CLPX: variants seen among roughly 807,000 people sequenced by gnomAD.
The protein encoded by CLPX is caseinolytic mitochondrial matrix peptidase chaperone subunit X, also known as ATP-dependent clpX-like chaperone, mitochondrial.
A neutral mutation model predicts 76.4 loss-of-function variants in CLPX; 34 were observed. The ratio of observed to expected loss-of-function variants is 0.45; its 90% confidence interval spans 0.34 to 0.59. The LOEUF is 0.59. Among genes scored for constraint, CLPX ranks in the 20% least tolerant of loss-of-function variants. The probability of loss-of-function intolerance (pLI) is 0.01; values close to 1 mark genes in which losing one functional copy is unlikely to be tolerated. For missense variants in CLPX, 613 were observed against 757.0 expected, an observed-to-expected ratio of 0.81 and a Z score of 2.23; for synonymous variants, 248 against 270.9, an observed-to-expected ratio of 0.92 and a Z score of 0.83.
intron 1 of CLPX, among the ~76,000 whole-genome samples, chr15:65,181,529 G>T (rs374469143): frequency 1.3e-5 from 2 of 151,768 alleles, no homozygotes; most frequent in African/African-American, 4.8e-5. Context: ...GAGGTGGGTG[G>T]ATCACTTGAG....
Position 65,152,460 on chromosome 15 carries a change from A to G in CLPX, c.1781T>C (p.Val594Ala), listed in dbSNP as rs960414586. The change falls in exon 13 of 14, where the codon GTA becomes GCA. Residue 594 changes from valine (V) to alanine (A), a missense_variant. Coordinates refer to ENST00000300107, the MANE Select transcript of CLPX (RefSeq NM_006660.5). The part of the protein sequence containing the change: ...IVCVEVDKEV[V>A]EGKKEPGYIR... ...GTATCCTGGTTCCTTTTTTCCTTCT[A>G]CTACTTCTTTGTCAACCTCCACACA... 1.3e-6 allele frequency: 2 copies of G among 1,557,370 alleles called. No homozygotes were observed. Among genetic ancestry groups the G allele is most frequent in the Admixed American group, 3.8e-5 (2 of 52,710 alleles).
chr15:65,161,267 G>T (rs1381642928), intron 6 of CLPX, among the ~76,000 whole-genome samples: 1 of 152,066 alleles, frequency 6.6e-6, no homozygotes, highest in Non-Finnish European at 1.5e-5. Context: ...AAAGCCAATT[G>T]TGTCAGTCCT....
intron 8 of CLPX, among the ~76,000 whole-genome samples, chr15:65,157,376 T>A (rs1020475542): frequency 1.3e-5 from 2 of 152,212 alleles, no homozygotes; most frequent in Non-Finnish European, 2.9e-5. Flanking sequence ...CATGACATCC[T>A]GTAGGTCAAC....
chr15:65,179,069 GA>G lies in CLPX; in HGVS notation c.241-19del. ...GCTGATTTCTAACGTTTATGAAGGAGAAAAAAGGAAGAGTGTCAATTATTAG... is the reference window on the plus strand; with the variant it reads ...GCTGATTTCTAACGTTTATGAAGGAGAAAAAGGAAGAGTGTCAATTATTAG... On this transcript the variant is annotated intron_variant, in intron 2 of 13. Coordinates refer to ENST00000300107, the MANE Select transcript of CLPX (RefSeq NM_006660.5). The G allele has an allele frequency of 6.8e-7, 1 of 1,477,474 alleles. No individual in the cohort carries two copies. The allele number at this position is 1,477,474 out of a possible 1,614,324, so 91.5% of individuals were successfully genotyped here.
In CLPX at chr15:65,179,017, CCTGATTTCTTACTACTTCCCTCACTTG is replaced by C. The variant is rs1566986909; in HGVS notation, c.248_274del (p.Ala83_Ser91del). ...TCCACCTTTCCCAGAATTCCCAGAG[CCTGATTTCTTACTACTTCCCTCACTTG>C]CTGATTTCTAACGTTTATGAAGGAG... On this transcript the variant is annotated inframe_deletion, in exon 3 of 14. Coordinates refer to ENST00000300107, the MANE Select transcript of CLPX (RefSeq NM_006660.5). The C allele has an allele frequency of 6.2e-7, 1 of 1,611,780 alleles. No homozygotes were observed. The highest frequency in any genetic ancestry group is 1.7e-5 in the Admixed American group (1 of 59,968).
intron 1 of CLPX, among the ~76,000 whole-genome samples, chr15:65,181,237 A>G (rs2140652591): frequency 6.6e-6 from 1 of 151,918 alleles, no homozygotes; most frequent in South Asian, 2.1e-4. Context: ...GTGTTATTCC[A>G]CTTACACGTG....
At position 65,178,501 on chromosome 15, in the gene CLPX, C is replaced by G. The variant is rs557415493; in HGVS notation, c.358+433G>C. The stretch of plus-strand genomic sequence containing the variant: ...ATTTACATATAATTTATATAACATA[C>G]AAAGTCACATACATTTATCTATTTC... On this transcript the variant is annotated intron_variant, in intron 3 of 13. Coordinates refer to ENST00000300107, the MANE Select transcript of CLPX (RefSeq NM_006660.5). 2.6e-5 allele frequency among the ~76,000 whole-genome samples: 4 copies of G among 152,188 alleles called. No individual in the cohort carries two copies. In the South Asian group the frequency reaches 8.3e-4, roughly 32 times the overall value.
At chr15:65,159,740 T>C (rs2087829389) in intron 6 of CLPX, among the ~76,000 whole-genome samples, 1 of 152,210 alleles carries the variant, frequency 6.6e-6, no homozygotes, top group South Asian at 2.1e-4. Context: ...TTCTTGGTTC[T>C]TAGCATTTGA....
At chr15:65,162,734 T>C in intron 5 of CLPX, 89 bp from the exon 6 acceptor site, 1 of 704,690 alleles carries the variant, frequency 1.4e-6, no homozygotes, top group African/African-American at 1.8e-5. Context: ...TTCAAATATA[T>C]TTAAAGGATT....
intron 1 of CLPX, among the ~76,000 whole-genome samples, chr15:65,182,974 C>T (rs962195368): frequency 1.3e-5 from 2 of 149,850 alleles, no homozygotes; most frequent in East Asian, 2.0e-4. Context: ...TCCAGCCTGA[C>T]GAACATGGCA....
At chr15:65,163,177 G>A (rs900029258) in intron 5 of CLPX, among the ~76,000 whole-genome samples, 4 of 151,882 alleles carry the variant, frequency 2.6e-5, no homozygotes, top group Non-Finnish European at 5.9e-5. Context: ...GCAGTGAGTC[G>A]CAATCCAGCC....
intron 3 of CLPX, among the ~76,000 whole-genome samples, chr15:65,167,361 C>T (rs1244114257): frequency 6.6e-6 from 1 of 152,092 alleles, no homozygotes; most frequent in Non-Finnish European, 1.5e-5. Context: ...TGAGCCACCG[C>T]ACCCGGCCCA....
Position 65,158,724 on chromosome 15 carries a change from G to T in CLPX, c.743C>A (p.Pro248Gln). The change falls in exon 7 of 14, where the codon CCA becomes CAA. Residue 248 changes from proline (P) to glutamine (Q), a missense_variant. Coordinates refer to ENST00000300107, the MANE Select transcript of CLPX (RefSeq NM_006660.5). ...TGATGCTCCTAAAGCATTACCATGTGGGCTAATTCCAGCAATCTGAAGCAA... is the reference window on the plus strand; with the variant it reads ...TGATGCTCCTAAAGCATTACCATGTTGGCTAATTCCAGCAATCTGAAGCAA... Reference protein sequence around the residue: ...TKLLQIAGISPHGNALGASMQ... With the variant: ...TKLLQIAGISQHGNALGASMQ... 1 of 1,595,834 alleles carries T rather than the reference G, an allele frequency of 6.3e-7. No individual in the cohort carries two copies. The highest frequency in any genetic ancestry group is 1.2e-5 in the South Asian group (1 of 86,212).
At chr15:65,179,394 G>A (rs1424551124) in intron 2 of CLPX, among the ~76,000 whole-genome samples, 2 of 152,114 alleles carry the variant, frequency 1.3e-5, no homozygotes, top group Admixed American at 6.6e-5. Flanking sequence ...TATTATCATG[G>A]TAGGTAGTGA....
At chr15:65,156,793 G>C (rs1301216438) in intron 9 of CLPX, 51 bp downstream of exon 9, 1 of 1,130,052 alleles carries the variant, frequency 8.8e-7, no homozygotes, top group East Asian at 2.4e-5. Flanking sequence ...TTGGGAGGTT[G>C]ATGTATTCCC....
At chr15:65,153,452 T>C (rs1378569994) in intron 12 of CLPX, 95 bp downstream of exon 12, 12 of 781,026 alleles carry the variant, frequency 1.5e-5, no homozygotes, top group Admixed American at 2.5e-5. Context: ...TCTCAAAATA[T>C]ATATACATAT....
chr15:65,167,582 C>A (rs926418319), intron 3 of CLPX, among the ~76,000 whole-genome samples: 2 of 151,920 alleles, frequency 1.3e-5, no homozygotes, highest in Non-Finnish European at 2.9e-5. Flanking sequence ...TTCTCTTAAA[C>A]CCATGAGCAT....
chr15:65,181,136 T>A (rs185738761), intron 1 of CLPX, among the ~76,000 whole-genome samples: 1 of 151,626 alleles, frequency 6.6e-6, no homozygotes. Context: ...GAGGCAGAGG[T>A]TGCAGTGAGC....
At chr15:65,169,808 T>G (rs2087974316) in intron 3 of CLPX, among the ~76,000 whole-genome samples, 1 of 151,908 alleles carries the variant, frequency 6.6e-6, no homozygotes, top group Admixed American at 6.6e-5. Context: ...CAGACTAGTG[T>G]GCAATGGTGC....
Sources: gnomAD v4.1 joint callset for allele counts (sites outside exome capture counted in the v4.1 genomes callset) on GRCh38, gnomAD v4.1.1 for gene constraint, MANE v1.5 for transcripts, NCBI Gene and HGNC (gene_info 2026-07-23, HGNC 2026-07-21) for gene names.